BBX: variants seen among roughly 807,000 people sequenced by gnomAD.
BBX encodes BBX high mobility group box domain containing.
Under a neutral mutation model 100.2 loss-of-function variants are expected in BBX, and 30 were observed. The observed-to-expected ratio is 0.30, with a 90% confidence interval of 0.22 to 0.41. The LOEUF is 0.41. Ranked by LOEUF, BBX falls within the 10% of genes least tolerant of loss-of-function variation. The pLI, the probability that BBX is intolerant of heterozygous loss-of-function variation, is 1.00. For missense variants in BBX, 1,023 were observed against 1,129.8 expected, an observed-to-expected ratio of 0.91 and a Z score of 1.35; for synonymous variants, 376 against 388.1, an observed-to-expected ratio of 0.97 and a Z score of 0.37.
chr3:107,733,470 G>A (rs927290805), intron 7 of BBX, among the ~76,000 whole-genome samples: 3 of 152,070 alleles, frequency 2.0e-5, no homozygotes, highest in African/African-American at 4.8e-5. Context: ...AGGAAACATG[G>A]CATTTCAGGA....
At chr3:107,617,483 A>G (rs541789940) in intron 2 of BBX, among the ~76,000 whole-genome samples, 1 of 150,844 alleles carries the variant, frequency 6.6e-6, no homozygotes, top group African/African-American at 2.5e-5. Flanking sequence ...CATCTTCGCT[A>G]TGTTTAGTTT....
intron 2 of BBX, among the ~76,000 whole-genome samples, chr3:107,549,513 G>C (rs993947457): frequency 6.6e-6 from 1 of 152,172 alleles, no homozygotes; most frequent in African/African-American, 2.4e-5. Flanking sequence ...GCTGACCTTA[G>C]GGATGTCCGT....
chr3:107,709,252 A>G (rs1023361235), intron 3 of BBX, among the ~76,000 whole-genome samples: 6 of 152,228 alleles, frequency 3.9e-5, no homozygotes, highest in Non-Finnish European at 8.8e-5. Context: ...ACATTGGTGA[A>G]TAATTTTTTG....
chr3:107,681,011 C>T (rs73850119), intron 3 of BBX, among the ~76,000 whole-genome samples: 2,029 of 152,192 alleles, frequency 0.013, 42 homozygotes, highest in African/African-American at 0.047. Flanking sequence ...GAGGGTATAG[C>T]GATTGACTCC....
chr3:107,638,552 G>A (rs1348092829), intron 2 of BBX: 5 of 152,012 alleles, frequency 3.3e-5, no homozygotes, highest in Non-Finnish European at 5.9e-5. Context: ...GCAGGTAAGC[G>A]ATTTGCTGGA....
intron 2 of BBX, among the ~76,000 whole-genome samples, chr3:107,537,632 T>C (rs914552449): frequency 2.0e-5 from 3 of 152,234 alleles, no homozygotes; most frequent in African/African-American, 7.2e-5. Flanking sequence ...TAGTAAGCCA[T>C]GGCCTGGAGA....
chr3:107,583,935 A>AAAG, intron 2 of BBX, among the ~76,000 whole-genome samples: 2 of 102,068 alleles, frequency 2.0e-5, no homozygotes, highest in African/African-American at 8.1e-5. Flanking sequence ...TATAATATAT[A>AAAG]TATTATATAT....
chr3:107,664,203 A>T (rs968953782), intron 3 of BBX, among the ~76,000 whole-genome samples: 57 of 152,126 alleles, frequency 3.7e-4, no homozygotes, highest in Admixed American at 1.2e-3. Flanking sequence ...TTATGTACAT[A>T]TTACTTCTTC....
intron 3 of BBX, among the ~76,000 whole-genome samples, chr3:107,700,339 G>C (rs1483606448): frequency 6.6e-6 from 1 of 151,340 alleles, no homozygotes; most frequent in Non-Finnish European, 1.5e-5. Flanking sequence ...GGGAAGATGA[G>C]AATTTGGGAG....
intron 2 of BBX, among the ~76,000 whole-genome samples, chr3:107,599,026 T>C (rs2053867236): frequency 6.6e-6 from 1 of 151,966 alleles, no homozygotes; most frequent in Admixed American, 6.6e-5. Context: ...TAGAGGTGGA[T>C]TGGCAGAGCG....
At chr3:107,637,413 A>G (rs2056915540) in intron 2 of BBX, among the ~76,000 whole-genome samples, 1 of 152,190 alleles carries the variant, frequency 6.6e-6, no homozygotes, top group Non-Finnish European at 1.5e-5. Context: ...ATGCATTGTA[A>G]TCTGGTCTGG....
chr3:107,769,241 G>GACA (rs1553814743), intron 10 of BBX, among the ~76,000 whole-genome samples: 4 of 139,026 alleles, frequency 2.9e-5, no homozygotes, highest in African/African-American at 1.2e-4. Context: ...CAGATAGATA[G>GACA]GATAGATAGA....
intron 2 of BBX, among the ~76,000 whole-genome samples, chr3:107,574,324 G>A (rs902000332): frequency 6.6e-6 from 1 of 152,088 alleles, no homozygotes; most frequent in African/African-American, 2.4e-5. Flanking sequence ...ACCTGGCATC[G>A]TCTTACTGCA....
chr3:107,772,281 G>A (rs2066968869), intron 10 of BBX, among the ~76,000 whole-genome samples: 1 of 152,114 alleles, frequency 6.6e-6, no homozygotes, highest in Non-Finnish European at 1.5e-5. Flanking sequence ...TTCATTCTGG[G>A]TCACAAAGTT....
At chr3:107,735,911 A>G (rs961449357) in intron 7 of BBX, among the ~76,000 whole-genome samples, 5 of 152,076 alleles carry the variant, frequency 3.3e-5, no homozygotes, top group South Asian at 2.1e-4. Flanking sequence ...GCGTGGTTCT[A>G]TAGTCTCATT....
intron 2 of BBX, among the ~76,000 whole-genome samples, chr3:107,540,737 C>T (rs2048808554): frequency 6.6e-6 from 1 of 152,154 alleles, no homozygotes; most frequent in Non-Finnish European, 1.5e-5. Flanking sequence ...TGAATTATTT[C>T]ATATATGCTG....
rs547605286 is a variant in BBX at position 107,699,191 on chromosome 3, C to A, written c.-9-11261C>A. On this transcript the variant is annotated intron_variant, in intron 3 of 17. Coordinates refer to ENST00000325805, the MANE Select transcript of BBX (RefSeq NM_001142568.3). ...TAAGTGTAGGGTGCTGTGGAGACACCTCTCTCAGACTTGAAAGGACCAGAA... is the reference window on the plus strand; with the variant it reads ...TAAGTGTAGGGTGCTGTGGAGACACATCTCTCAGACTTGAAAGGACCAGAA... Among the ~76,000 whole-genome samples the A allele has an allele frequency of 5.9e-4, 90 of 151,798 alleles. 2 individuals carry two copies. The highest frequency in any genetic ancestry group is 2.1e-3 in the African/African-American group (86 of 41,144).
At chr3:107,755,758 G>T in intron 10 of BBX, 80 bp downstream of exon 10, 1 of 1,185,656 alleles carries the variant, frequency 8.4e-7, no homozygotes, top group East Asian at 2.3e-5. Flanking sequence ...TCCCTAAACT[G>T]TACCATCTCT....
intron 2 of BBX, among the ~76,000 whole-genome samples, chr3:107,640,014 C>T (rs1011922890): frequency 6.6e-6 from 1 of 152,152 alleles, no homozygotes; most frequent in Admixed American, 6.5e-5. Flanking sequence ...AATGAGATTA[C>T]TGACATTTAT....
Sources: allele counts gnomAD v4.1 joint callset (sites outside exome capture counted in the v4.1 genomes callset), GRCh38; gene constraint gnomAD v4.1.1; transcripts MANE v1.5; gene names NCBI Gene and HGNC (gene_info 2026-07-23, HGNC 2026-07-21).